PPFIA2: variants seen among roughly 807,000 people sequenced by gnomAD.
PPFIA2 encodes PPFI scaffold protein A2, also known as liprin-alpha-2.
A neutral mutation model predicts 175.5 loss-of-function variants in PPFIA2; 46 were observed. That is an observed-to-expected ratio of 0.26 (90% CI 0.21 to 0.34). The LOEUF is 0.34. Among genes scored for constraint, PPFIA2 ranks in the 10% least tolerant of loss-of-function variants. The pLI is 1.00. For missense variants in PPFIA2, 1,179 were observed against 1,506.1 expected, an observed-to-expected ratio of 0.78 and a Z score of 3.60; for synonymous variants, 568 against 511.4, an observed-to-expected ratio of 1.11 and a Z score of -1.49.
chr12:81,267,026 G>A lies in PPFIA2; in HGVS notation c.3487-6C>T, dbSNP rs1565805060. 3.7e-6 allele frequency: 6 copies of A among 1,609,136 alleles called. No homozygotes were observed. The East Asian group carries it at 1.1e-4, about 30-fold the overall frequency. ...CTTTCAAGAATCTGCCTTGCCTGTT[G>A]ACGTCAAATTACAGTTACCATCACC... On this transcript the variant is annotated splice_region_variant and splice_polypyrimidine_tract_variant and intron_variant, in intron 29 of 32. Coordinates refer to ENST00000549396, the MANE Select transcript of PPFIA2 (RefSeq NM_003625.5).
chr12:81,747,114 C>A (rs2083168186), intron 3 of PPFIA2, among the ~76,000 whole-genome samples: 1 of 143,422 alleles, frequency 7.0e-6, no homozygotes, highest in Non-Finnish European at 1.6e-5. Context: ...AGAAAGCAAG[C>A]AGATATTTTA....
chr12:81,276,863 A>G (rs1046312968), intron 28 of PPFIA2, among the ~76,000 whole-genome samples: 4 of 152,186 alleles, frequency 2.6e-5, no homozygotes, highest in African/African-American at 7.2e-5. Flanking sequence ...TAAAATCACC[A>G]TATAATTTCT....
intron 4 of PPFIA2, among the ~76,000 whole-genome samples, chr12:81,656,359 T>G (rs1180566708): frequency 6.6e-6 from 1 of 152,134 alleles, no homozygotes; most frequent in Non-Finnish European, 1.5e-5. Flanking sequence ...CAGTTTTTAT[T>G]TAAATTCTTG....
chr12:81,489,570 C>T (rs1217107998), intron 4 of PPFIA2, among the ~76,000 whole-genome samples: 2 of 151,810 alleles, frequency 1.3e-5, no homozygotes, highest in Non-Finnish European at 2.9e-5. Flanking sequence ...TACCATACTC[C>T]ACTGCCACAC....
intron 3 of PPFIA2, among the ~76,000 whole-genome samples, chr12:81,742,288 C>A (rs915645022): frequency 1.3e-5 from 2 of 152,144 alleles, no homozygotes; most frequent in Admixed American, 6.5e-5. Context: ...TCTTTTATGG[C>A]TCTGAATTAT....
At chr12:81,541,430 T>C (rs1057056879) in intron 4 of PPFIA2, among the ~76,000 whole-genome samples, 3 of 151,844 alleles carry the variant, frequency 2.0e-5, no homozygotes, top group Admixed American at 6.6e-5. Context: ...ATGAGAGGAG[T>C]TGTCTTCTGT....
chr12:81,527,064 C>T (rs2063813406), intron 4 of PPFIA2, among the ~76,000 whole-genome samples: 2 of 152,108 alleles, frequency 1.3e-5, no homozygotes, highest in South Asian at 4.1e-4. Flanking sequence ...ATTAATTTTG[C>T]AAAATCCATG....
At chr12:81,608,745 C>A (rs1167581881) in intron 4 of PPFIA2, among the ~76,000 whole-genome samples, 1 of 151,700 alleles carries the variant, frequency 6.6e-6, no homozygotes, top group Admixed American at 6.6e-5. Flanking sequence ...AAAAACAAGT[C>A]TTGGTTTCAT....
At chr12:81,502,954 T>A (rs1197905440) in intron 4 of PPFIA2, among the ~76,000 whole-genome samples, 1 of 151,974 alleles carries the variant, frequency 6.6e-6, no homozygotes, top group African/African-American at 2.4e-5. Flanking sequence ...ACACCCTCCA[T>A]CAAAAGCCGT....
At chr12:81,384,752 T>C (rs1033023184) in intron 8 of PPFIA2, among the ~76,000 whole-genome samples, 5 of 152,128 alleles carry the variant, frequency 3.3e-5, no homozygotes, top group Non-Finnish European at 4.4e-5. Context: ...TCAAAGATTA[T>C]TCCTGCTGTG....
At chr12:81,346,934 AT>A in intron 18 of PPFIA2, among the ~76,000 whole-genome samples, 1 of 151,784 alleles carries the variant, frequency 6.6e-6, no homozygotes, top group Non-Finnish European at 1.5e-5. Context: ...AAATTATTTT[AT>A]TTTATTTTTT....
intron 4 of PPFIA2, among the ~76,000 whole-genome samples, chr12:81,604,783 T>C (rs2060126106): frequency 1.3e-5 from 2 of 151,684 alleles, no homozygotes; most frequent in Non-Finnish European, 3.0e-5. Context: ...AGGTAAATTA[T>C]GAAGTTGAGC....
At chr12:81,418,594 G>C (rs2045726586) in intron 7 of PPFIA2, among the ~76,000 whole-genome samples, 1 of 151,920 alleles carries the variant, frequency 6.6e-6, no homozygotes, top group Non-Finnish European at 1.5e-5. Context: ...CACAATGGTA[G>C]AGAAGTTGTG....
chr12:81,650,012 GT>G (rs869100881), intron 4 of PPFIA2, among the ~76,000 whole-genome samples: 19 of 147,526 alleles, frequency 1.3e-4, no homozygotes, highest in South Asian at 2.1e-4. Context: ...TTTTGTTTTT[GT>G]TTTTTTTTTT....
At chr12:81,488,056 A>G (rs1387431917) in intron 4 of PPFIA2, among the ~76,000 whole-genome samples, 1 of 151,898 alleles carries the variant, frequency 6.6e-6, no homozygotes, top group African/African-American at 2.4e-5. Context: ...TCCTTTATTT[A>G]AACCAGAGAA....
intron 3 of PPFIA2, among the ~76,000 whole-genome samples, chr12:81,723,500 T>TG (rs1409882468): frequency 1.3e-5 from 2 of 150,952 alleles, no homozygotes; most frequent in Non-Finnish European, 3.0e-5. Context: ...TACTGTGGTT[T>TG]GGGGGGAAAT....
At chr12:81,332,705 G>T (rs1345469438) in intron 21 of PPFIA2, among the ~76,000 whole-genome samples, 1 of 152,068 alleles carries the variant, frequency 6.6e-6, no homozygotes, top group African/African-American at 2.4e-5. Context: ...CACAGGGATA[G>T]GAACTCAATG....
intron 3 of PPFIA2, among the ~76,000 whole-genome samples, chr12:81,716,280 A>C (rs2153622584): frequency 6.6e-6 from 1 of 151,862 alleles, no homozygotes; most frequent in East Asian, 1.9e-4. Flanking sequence ...TTTCTATGTG[A>C]ACAAAGAGCT....
intron 4 of PPFIA2, among the ~76,000 whole-genome samples, chr12:81,515,128 C>T (rs2062254207): frequency 1.3e-5 from 2 of 151,824 alleles, no homozygotes; most frequent in Admixed American, 1.3e-4. Flanking sequence ...TACATAAAAT[C>T]ATCATAATAA....
Sources: allele counts gnomAD v4.1 joint callset (sites outside exome capture counted in the v4.1 genomes callset), GRCh38; gene constraint gnomAD v4.1.1; transcripts MANE v1.5; gene names NCBI Gene and HGNC (gene_info 2026-07-23, HGNC 2026-07-21).